Variants in AGTPBP1 observed in about 807,000 individuals in gnomAD.
The protein encoded by AGTPBP1 is ATP/GTP binding carboxypeptidase 1.
AGTPBP1 carries 70 observed loss-of-function variants against 143.9 expected under a neutral mutation model. That is an observed-to-expected ratio of 0.49 (90% CI 0.40 to 0.59). The LOEUF (loss-of-function observed/expected upper bound fraction) is 0.59. AGTPBP1 is among the 20% of genes least tolerant of loss of function. The pLI is 0.00. For missense variants in AGTPBP1, 1,229 were observed against 1,464.5 expected (o/e 0.84, Z 2.62); for synonymous variants, 463 against 500.2 (o/e 0.93, Z 0.99).
chr9:85,641,773 T>C (rs1410761510), intron 13 of AGTPBP1, among the ~76,000 whole-genome samples: 1 of 152,110 alleles, frequency 6.6e-6, no homozygotes, highest in African/African-American at 2.4e-5. Flanking sequence ...CGATCTTGAC[T>C]CACTGCAACC....
chr9:85,621,711 T>A (rs1830949501), intron 14 of AGTPBP1, among the ~76,000 whole-genome samples: 1 of 152,152 alleles, frequency 6.6e-6, no homozygotes, highest in South Asian at 2.1e-4. Flanking sequence ...CTGGCTGGAA[T>A]TTAGCTAAAA....
At chr9:85,674,012 A>G (rs140452834) in intron 6 of AGTPBP1, among the ~76,000 whole-genome samples, 2,555 of 151,080 alleles carry the variant, frequency 0.017, 36 homozygotes, top group Middle Eastern at 0.038. Context: ...AGTCCCAACT[A>G]CTCTGGAGGC....
At chr9:85,800,188 C>A in the AGTPBP1 span, among the ~76,000 whole-genome samples, 164 of 152,262 alleles carry the variant, frequency 1.1e-3, no homozygotes, top group Non-Finnish European at 2.0e-3. Context: ...GTGAACCTCT[C>A]CAGAAAGTAA....
intron 3 of AGTPBP1, among the ~76,000 whole-genome samples, chr9:85,684,588 T>C (rs948156885): frequency 1.3e-5 from 2 of 152,162 alleles, no homozygotes; most frequent in African/African-American, 2.4e-5. Context: ...CTATATTCCC[T>C]GTGATTATTT....
At chr9:85,772,384 A>G in the AGTPBP1 span, among the ~76,000 whole-genome samples, 2 of 152,020 alleles carry the variant, frequency 1.3e-5, no homozygotes, top group Non-Finnish European at 2.9e-5. Context: ...GATTATTAAC[A>G]AGTTCTGTGA....
chr9:85,721,623 C>T (rs1838128003), intron 1 of AGTPBP1, among the ~76,000 whole-genome samples: 1 of 151,860 alleles, frequency 6.6e-6, no homozygotes, highest in East Asian at 1.9e-4. Flanking sequence ...ACTCTTTATC[C>T]AATTTGCCAG....
At chr9:85,574,616 G>A (rs559631636) in intron 25 of AGTPBP1, among the ~76,000 whole-genome samples, 2 of 152,158 alleles carry the variant, frequency 1.3e-5, no homozygotes, top group East Asian at 1.9e-4. Flanking sequence ...TGCTAAATTA[G>A]CTGTTTCTGA....
At chr9:85,620,634 T>C (rs1234329914) in intron 15 of AGTPBP1, among the ~76,000 whole-genome samples, 3 of 152,104 alleles carry the variant, frequency 2.0e-5, no homozygotes, top group African/African-American at 7.2e-5. Flanking sequence ...AATGTGATGA[T>C]ATCAGTGACA....
At chr9:85,674,774 T>C (rs1834717602) in intron 6 of AGTPBP1, among the ~76,000 whole-genome samples, 1 of 152,200 alleles carries the variant, frequency 6.6e-6, no homozygotes, top group Non-Finnish European at 1.5e-5. Flanking sequence ...AAAGATATGC[T>C]AGAAATACGT....
chr9:85,802,772 C>T, the AGTPBP1 span, among the ~76,000 whole-genome samples: 4,904 of 152,222 alleles, frequency 0.032, 244 homozygotes, highest in African/African-American at 0.11. Flanking sequence ...CTCTGCCAAC[C>T]CCAGAGGCTT....
intron 25 of AGTPBP1, among the ~76,000 whole-genome samples, chr9:85,569,558 A>G (rs1294804723): frequency 6.6e-6 from 1 of 152,188 alleles, no homozygotes; most frequent in Non-Finnish European, 1.5e-5. Flanking sequence ...TCAGCCCACA[A>G]TCAGAACCTC....
intron 18 of AGTPBP1, among the ~76,000 whole-genome samples, chr9:85,595,254 T>G (rs1036089915): frequency 1.3e-5 from 2 of 152,172 alleles, no homozygotes; most frequent in East Asian, 1.9e-4. Context: ...TTCTTCTAAT[T>G]GATAAAACTA....
intron 1 of AGTPBP1, among the ~76,000 whole-genome samples, chr9:85,735,508 A>G (rs1003812391): frequency 3.3e-5 from 5 of 152,312 alleles, no homozygotes; most frequent in South Asian, 2.1e-4. Flanking sequence ...TAAACTACAC[A>G]CTTAAAAGTG....
intron 2 of AGTPBP1, among the ~76,000 whole-genome samples, chr9:85,697,123 A>G (rs901683905): frequency 2.0e-5 from 3 of 152,206 alleles, no homozygotes; most frequent in African/African-American, 7.2e-5. Flanking sequence ...CCTTTACTAT[A>G]TATTTCTGTG....
chr9:85,711,330 TGAAA>T (rs1241339261), intron 2 of AGTPBP1, among the ~76,000 whole-genome samples: 1 of 152,164 alleles, frequency 6.6e-6, no homozygotes, highest in Non-Finnish European at 1.5e-5. Flanking sequence ...GTCTTTCAAC[TGAAA>T]GAAATAAAAC....
At chr9:85,768,216 C>G in the AGTPBP1 span, among the ~76,000 whole-genome samples, 9 of 152,354 alleles carry the variant, frequency 5.9e-5, no homozygotes, top group South Asian at 1.7e-3. Flanking sequence ...ACTTCCTTAA[C>G]TTAGATCTAA....
intron 23 of AGTPBP1, among the ~76,000 whole-genome samples, chr9:85,579,525 T>C (rs986524872): frequency 6.6e-6 from 1 of 151,430 alleles, no homozygotes; most frequent in African/African-American, 2.4e-5. Context: ...TTTCTGCAAC[T>C]GAAATTATTA....
upstream of AGTPBP1, among the ~76,000 whole-genome samples, chr9:85,745,835 G>C (rs770657181): frequency 6.6e-6 from 1 of 152,176 alleles, no homozygotes; most frequent in Non-Finnish European, 1.5e-5. Context: ...GAGTATGGCA[G>C]CCTTTGGTAA....
chr9:85,710,842 T>C (rs907228385), intron 2 of AGTPBP1, among the ~76,000 whole-genome samples: 3 of 152,156 alleles, frequency 2.0e-5, no homozygotes, highest in Non-Finnish European at 4.4e-5. Flanking sequence ...AGCTAATCAA[T>C]AGAAATAGCA....
Sources: allele counts gnomAD v4.1 joint callset (sites outside exome capture counted in the v4.1 genomes callset), GRCh38; gene constraint gnomAD v4.1.1; transcripts MANE v1.5; gene names NCBI Gene and HGNC (gene_info 2026-07-23, HGNC 2026-07-21).